The following RABGAP1L variants were observed in gnomAD, a reference collection of about 807,000 sequenced individuals.
RABGAP1L encodes the protein rab GTPase-activating protein 1-like.
Under a neutral mutation model 137.7 loss-of-function variants are expected in RABGAP1L, and 63 were observed. The ratio of observed to expected loss-of-function variants is 0.46; its 90% CI spans 0.37 to 0.56. RABGAP1L has a LOEUF of 0.56. RABGAP1L is among the 20% of genes least tolerant of loss of function. The probability of loss-of-function intolerance (pLI) is 0.00; values close to 1 mark genes in which losing one functional copy is unlikely to be tolerated. For synonymous variants in RABGAP1L, 431 were observed against 433.7 expected, an observed-to-expected ratio of 0.99 and a Z score of 0.08; for missense variants, 1,095 against 1,244.0, an observed-to-expected ratio of 0.88 and a Z score of 1.80.
At chr1:174,196,586 T>G (rs1333097951) in intron 1 of RABGAP1L, among the ~76,000 whole-genome samples, 1 of 151,516 alleles carries the variant, frequency 6.6e-6, no homozygotes, top group Non-Finnish European at 1.5e-5. Flanking sequence ...TTTTTTTTTT[T>G]TTTCTCTTTA....
intron 19 of RABGAP1L, among the ~76,000 whole-genome samples, chr1:174,914,673 G>A (rs571595059): frequency 6.6e-6 from 1 of 151,922 alleles, no homozygotes; most frequent in Non-Finnish European, 1.5e-5. Flanking sequence ...TTTTTCAACA[G>A]CCTTATAAAG....
chr1:174,503,072 G>C (rs1285211645), intron 13 of RABGAP1L, among the ~76,000 whole-genome samples: 1 of 152,120 alleles, frequency 6.6e-6, no homozygotes, highest in Non-Finnish European at 1.5e-5. Context: ...TGGTGGGTGG[G>C]TAAGTGCTGT....
At chr1:174,249,133 A>G (rs1672503258) in intron 5 of RABGAP1L, among the ~76,000 whole-genome samples, 1 of 152,164 alleles carries the variant, frequency 6.6e-6, no homozygotes, top group South Asian at 2.1e-4. Context: ...ACATATGTAT[A>G]TACATATATA....
chr1:174,490,698 A>G (rs1013817654), intron 13 of RABGAP1L, among the ~76,000 whole-genome samples: 8 of 152,148 alleles, frequency 5.3e-5, no homozygotes, highest in Non-Finnish European at 7.4e-5. Context: ...GGTCTAGAGT[A>G]GCTGTCCAGG....
chr1:174,275,794 G>T (rs1171008114), intron 8 of RABGAP1L, 39 bp from the exon 9 acceptor site: 32 of 1,437,258 alleles, frequency 2.2e-5, no homozygotes, highest in Admixed American at 7.8e-5. Context: ...TGATTTTTTT[G>T]ATGTCTTTTA....
chr1:174,385,875 A>T (rs999892175), intron 12 of RABGAP1L, among the ~76,000 whole-genome samples: 3 of 152,262 alleles, frequency 2.0e-5, no homozygotes, highest in African/African-American at 7.2e-5. Context: ...ATCAGCAGAT[A>T]TAGATAGCTC....
At chr1:174,681,489 C>G (rs746548586) in intron 14 of RABGAP1L, among the ~76,000 whole-genome samples, 5 of 152,162 alleles carry the variant, frequency 3.3e-5, no homozygotes, top group Admixed American at 1.3e-4. Flanking sequence ...ATGATTCCAT[C>G]TATATGAAAT....
In RABGAP1L at chr1:174,318,220, C is replaced by T. The variant is rs150258499; in HGVS notation, c.1465+13093C>T. 3.3e-5 allele frequency among the ~76,000 whole-genome samples: 5 copies of T among 152,220 alleles called. No individual in the cohort carries two copies. In the East Asian group the frequency reaches 9.7e-4, roughly 29 times the overall value. ...ATTGGTGAAGCTTTCTATTCCCTAT[C>T]TTCCTCCACCTACCTCTCCCCTTGT... On this transcript the variant is annotated intron_variant, in intron 11 of 25. Transcript: ENST00000681986.
intron 1 of RABGAP1L, among the ~76,000 whole-genome samples, chr1:174,161,667 A>C (rs1664469666): frequency 6.6e-6 from 1 of 152,240 alleles, no homozygotes; most frequent in Admixed American, 6.5e-5. Context: ...TCTCAGTACT[A>C]TTGGGGCATA....
intron 12 of RABGAP1L, among the ~76,000 whole-genome samples, chr1:174,385,226 A>C (rs1686658941): frequency 6.6e-6 from 1 of 152,220 alleles, no homozygotes; most frequent in African/African-American, 2.4e-5. Flanking sequence ...GATATATTTT[A>C]AGAGAGTACT....
intron 18 of RABGAP1L, among the ~76,000 whole-genome samples, chr1:174,783,363 A>G (rs1395707952): frequency 6.6e-6 from 1 of 152,126 alleles, no homozygotes; most frequent in Admixed American, 6.5e-5. Context: ...CAAGAACCCC[A>G]GGCCGGAGAA....
At chr1:174,229,886 G>A (rs1300450275) in intron 3 of RABGAP1L, among the ~76,000 whole-genome samples, 1 of 152,158 alleles carries the variant, frequency 6.6e-6, no homozygotes, top group Non-Finnish European at 1.5e-5. Flanking sequence ...CCCGCCAACA[G>A]TGTAAAAGTG....
At chr1:174,407,189 A>G (rs2149119040) in intron 13 of RABGAP1L, among the ~76,000 whole-genome samples, 1 of 152,080 alleles carries the variant, frequency 6.6e-6, no homozygotes, top group South Asian at 2.1e-4. Context: ...CTGCCCCAAC[A>G]TGTTATACAT....
chr1:174,864,156 A>G (rs994297242), intron 19 of RABGAP1L, among the ~76,000 whole-genome samples: 4 of 152,248 alleles, frequency 2.6e-5, no homozygotes, highest in Admixed American at 2.6e-4. Flanking sequence ...TGTTTGACCC[A>G]GAAGTATCTC....
chr1:174,699,587 C>T lies in RABGAP1L; in HGVS notation c.1962C>T (p.Asp654=). The T allele has an allele frequency of 1.2e-6, 2 of 1,609,602 alleles. No homozygotes were observed. The highest frequency in any genetic ancestry group is 1.7e-6 in the Non-Finnish European group (2 of 1,176,078). Residue 654 remains aspartate (D), a synonymous_variant, in exon 16 of 26, where the codon GAC becomes GAT. Transcript: ENST00000681986. The stretch of plus-strand genomic sequence containing the variant: ...TCATGTACGACTATGGTTTGAGAGA[C>T]CTCTACAGAAACAACTTCGAAGATC... ...VKIMYDYGLR[D]LYRNNFEDLH...
chr1:174,788,902 T>G (rs1370255772), intron 18 of RABGAP1L, among the ~76,000 whole-genome samples: 1 of 152,080 alleles, frequency 6.6e-6, no homozygotes, highest in African/African-American at 2.4e-5. Flanking sequence ...TTAGTAGAGA[T>G]AGGGTTTCAC....
intron 11 of RABGAP1L, among the ~76,000 whole-genome samples, chr1:174,349,044 C>CCGGG (rs1176188740): frequency 9.7e-6 from 1 of 102,812 alleles, no homozygotes; most frequent in South Asian, 3.5e-4. Context: ...GCTGGCCGGG[C>CCGGG]GGGGGGGGGG....
chr1:174,542,952 T>A (rs1253027589), intron 13 of RABGAP1L, among the ~76,000 whole-genome samples: 4 of 152,220 alleles, frequency 2.6e-5, no homozygotes, highest in Admixed American at 2.6e-4. Context: ...CACTGTGGTC[T>A]GGGAGACAGT....
chr1:174,921,114 G>A (rs1573833679), intron 19 of RABGAP1L, among the ~76,000 whole-genome samples: 1 of 152,044 alleles, frequency 6.6e-6, no homozygotes, highest in Non-Finnish European at 1.5e-5. Context: ...TAGTAGAAAC[G>A]GGGTTTTACC....
Sources: allele counts gnomAD v4.1 joint callset (sites outside exome capture counted in the v4.1 genomes callset), GRCh38; gene constraint gnomAD v4.1.1; transcripts MANE v1.5; gene names NCBI Gene and HGNC (gene_info 2026-07-23, HGNC 2026-07-21).